Variants in FAM171A1 observed in about 807,000 individuals in gnomAD.
FAM171A1 encodes the protein family with sequence similarity 171 member A1.
Under a neutral mutation model 74.9 loss-of-function variants are expected in FAM171A1, and 23 were observed. The ratio of observed to expected loss-of-function variants is 0.31; its 90% CI spans 0.22 to 0.44. The LOEUF (loss-of-function observed/expected upper bound fraction) is 0.44, where lower values mean the gene tolerates loss of function less well. Among genes scored for constraint, FAM171A1 ranks in the 20% least tolerant of loss-of-function variants. The pLI, the probability that FAM171A1 is intolerant of heterozygous loss-of-function variation, is 1.00. For missense variants in FAM171A1, 1,162 were observed against 1,159.2 expected (o/e 1.00, Z -0.03); for synonymous variants, 527 against 505.7 (o/e 1.04, Z -0.57).
At chr10:15,264,687 G>A (rs1834715095) in intron 3 of FAM171A1, among the ~76,000 whole-genome samples, 1 of 152,056 alleles carries the variant, frequency 6.6e-6, no homozygotes, top group African/African-American at 2.4e-5. Flanking sequence ...GGAGGCTAAG[G>A]TGGGAGGATC....
intron 1 of FAM171A1, among the ~76,000 whole-genome samples, chr10:15,353,809 G>T (rs535428318): frequency 6.6e-6 from 1 of 152,172 alleles, no homozygotes; most frequent in Admixed American, 6.5e-5. Flanking sequence ...GTCAGGAAAG[G>T]CCCCAGGGGA....
Position 15,211,773 on chromosome 10 carries a change from ATTTTTTTTAAT to A in FAM171A1, c.*1131_*1141del, listed in dbSNP as rs1308497722. On this transcript the variant is annotated 3_prime_UTR_variant, in exon 8 of 8. Transcript: ENST00000378116. Reference sequence around the variant, plus strand: ...ATAAGATTTTCTTTTTTTTTTTTAAATTTTTTTTAATAGTCACATTCAGCTCGCTTGCTCAA... The same window carrying A: ...ATAAGATTTTCTTTTTTTTTTTTAAAAGTCACATTCAGCTCGCTTGCTCAA... The A allele has an allele frequency of 6.6e-6, 1 of 150,772 alleles. No homozygotes were observed. Among genetic ancestry groups the A allele is most frequent in the Non-Finnish European group, 1.5e-5 (1 of 67,750 alleles). 9.3% of individuals were successfully genotyped at this position (150,772 alleles called of 1,614,324 possible). A position where few individuals can be genotyped will look rare whatever the true frequency, so the allele number is the denominator to read the frequency against.
At chr10:15,230,274 T>C (rs1315495305) in intron 5 of FAM171A1, among the ~76,000 whole-genome samples, 1 of 152,186 alleles carries the variant, frequency 6.6e-6, no homozygotes, top group African/African-American at 2.4e-5. Flanking sequence ...AGTAGCTAGG[T>C]TTCCTTCTTT....
At chr10:15,281,976 C>A (rs1834976214) in intron 2 of FAM171A1, among the ~76,000 whole-genome samples, 1 of 152,188 alleles carries the variant, frequency 6.6e-6, no homozygotes, top group Non-Finnish European at 1.5e-5. Flanking sequence ...TTCACCAATT[C>A]TGTATTTGTA....
intron 5 of FAM171A1, among the ~76,000 whole-genome samples, chr10:15,231,187 G>C (rs1182761500): frequency 1.3e-5 from 2 of 152,186 alleles, no homozygotes; most frequent in African/African-American, 4.8e-5. Context: ...CTGGAGGAAA[G>C]CCTGAGAAGG....
intron 6 of FAM171A1, among the ~76,000 whole-genome samples, chr10:15,216,607 A>T (rs539392858): frequency 8.8e-4 from 134 of 151,712 alleles, no homozygotes; most frequent in African/African-American, 3.2e-3. Context: ...ATTTTTATAA[A>T]TTTTTTTTAG....
chr10:15,240,789 C>T (rs1040484296), intron 5 of FAM171A1: 11 of 969,242 alleles, frequency 1.1e-5, no homozygotes, highest in Non-Finnish European at 1.3e-5. Flanking sequence ...GTTGTAATCC[C>T]AGTGACTTGG....
At chr10:15,318,795 G>C (rs1279381524) in intron 1 of FAM171A1, among the ~76,000 whole-genome samples, 1 of 152,170 alleles carries the variant, frequency 6.6e-6, no homozygotes, top group African/African-American at 2.4e-5. Flanking sequence ...GAGATGGGGA[G>C]ACCCTCACTA....
intron 1 of FAM171A1, among the ~76,000 whole-genome samples, chr10:15,305,541 C>G (rs747397295): frequency 2.0e-5 from 3 of 151,562 alleles, no homozygotes; most frequent in Non-Finnish European, 4.4e-5. Context: ...GGTGTGCATG[C>G]CTGTAGTCCC....
rs7895439 is a variant in FAM171A1 at position 15,369,386 on chromosome 10, C to T, written c.97+1570G>A. Among the ~76,000 whole-genome samples the T allele has an allele frequency of 9.2e-5, 14 of 152,046 alleles. 1 individual carries two copies. The highest frequency in any genetic ancestry group is 3.1e-4 in the African/African-American group (13 of 41,466). ...ATATCATTCTCTAAAATAGCTGATT[C>T]AAAAAAGCAGTAGGGTATTAATAAA... On this transcript the variant is annotated intron_variant, in intron 1 of 7. Coordinates refer to ENST00000378116, the MANE Select transcript of FAM171A1 (RefSeq NM_001010924.2).
At chr10:15,214,647 C>G (rs772644411) in intron 7 of FAM171A1, 46 bp from the exon 8 acceptor site, 1 of 1,498,232 alleles carries the variant, frequency 6.7e-7, no homozygotes, top group South Asian at 1.4e-5. Context: ...GTGATTCTCA[C>G]AATGAAAAAG....
chr10:15,263,741 G>GTCTGTCTATCTA (rs1428115509), intron 3 of FAM171A1, among the ~76,000 whole-genome samples: 3,716 of 140,620 alleles, frequency 0.026, 62 homozygotes, highest in Non-Finnish European at 0.031. Flanking sequence ...CTATCTGTCT[G>GTCTGTCTATCTA]TCTATCTATC....
In FAM171A1 at chr10:15,366,228, T is replaced by C. The variant is rs143127940; in HGVS notation, c.97+4728A>G. 9.9e-3 allele frequency among the ~76,000 whole-genome samples: 1,503 copies of C among 152,274 alleles called. 16 individuals carry two copies. Among genetic ancestry groups the C allele is most frequent in the Non-Finnish European group, 0.016 (1,117 of 68,018 alleles). On this transcript the variant is annotated intron_variant, in intron 1 of 7. Coordinates refer to ENST00000378116, the MANE Select transcript of FAM171A1 (RefSeq NM_001010924.2). ...TCTGCCTCCCGAGTTCAAGCAATTG[T>C]CCTGCCTTAGCCTCCCGAGTAGCTG... is the stretch of plus-strand genomic sequence containing the variant.
chr10:15,312,673 G>GTTTTTTTT lies in FAM171A1; in HGVS notation c.98-28576_98-28569dup, dbSNP rs1169098742. On this transcript the variant is annotated intron_variant, in intron 1 of 7. Transcript: ENST00000378116. ...TACTGGAATGAGTTCAGCACTGTGT[G>GTTTTTTTT]TTTTTTTTTTTTTTTTTTTTTTTTT... Among the ~76,000 whole-genome samples, 47 of 36,398 alleles carry GTTTTTTTT rather than the reference G, an allele frequency of 1.3e-3. 3 individuals are homozygous for GTTTTTTTT. Among genetic ancestry groups the GTTTTTTTT allele is most frequent in the African/African-American group, 2.5e-3 (21 of 8,554 alleles). 23.9% of individuals were successfully genotyped at this position (36,398 alleles called of 152,430 possible).
intron 1 of FAM171A1, among the ~76,000 whole-genome samples, chr10:15,354,178 G>C (rs1042884529): frequency 1.3e-5 from 2 of 152,096 alleles, no homozygotes; most frequent in African/African-American, 4.8e-5. Flanking sequence ...CACCTCTGAA[G>C]TGGCTCCTGG....
chr10:15,214,876 T>G (rs1377773817), intron 7 of FAM171A1, among the ~76,000 whole-genome samples: 1 of 151,220 alleles, frequency 6.6e-6, no homozygotes, highest in African/African-American at 2.4e-5. Flanking sequence ...TCCTCCCACC[T>G]CAGCCTCCCG....
intron 2 of FAM171A1, among the ~76,000 whole-genome samples, chr10:15,277,639 C>G (rs762818867): frequency 2.6e-5 from 4 of 152,238 alleles, no homozygotes; most frequent in Non-Finnish European, 4.4e-5. Context: ...ACGATTTGAA[C>G]TCTGGAGTTC....
chr10:15,304,590 G>C (rs1302311341), intron 1 of FAM171A1, among the ~76,000 whole-genome samples: 2 of 152,026 alleles, frequency 1.3e-5, no homozygotes, highest in African/African-American at 4.8e-5. Flanking sequence ...CTCAATAAAG[G>C]GTCCTGCCCA....
chr10:15,355,942 C>T (rs1835927312), intron 1 of FAM171A1, among the ~76,000 whole-genome samples: 1 of 151,914 alleles, frequency 6.6e-6, no homozygotes, highest in African/African-American at 2.4e-5. Context: ...CCTATCCACA[C>T]CATACCTTAT....
Sources: allele counts gnomAD v4.1 joint callset (sites outside exome capture counted in the v4.1 genomes callset), GRCh38; gene constraint gnomAD v4.1.1; transcripts MANE v1.5; gene names NCBI Gene and HGNC (gene_info 2026-07-23, HGNC 2026-07-21).